PAIP1: variants seen among roughly 807,000 people sequenced by gnomAD.
PAIP1 encodes the protein poly(A) binding protein interacting protein 1, also known as polyadenylate-binding protein-interacting protein 1.
PAIP1 carries 16 observed loss-of-function variants against 61.3 expected under a neutral mutation model. The observed-to-expected ratio is 0.26, with a 90% confidence interval of 0.18 to 0.40. The LOEUF is 0.40. PAIP1 is among the 10% of genes least tolerant of loss of function. PAIP1 has a pLI of 1.00. For missense variants in PAIP1, 416 were observed against 600.9 expected (o/e 0.69, Z 3.22); for synonymous variants, 187 against 226.2 (o/e 0.83, Z 1.56).
chr5:43,543,500 A>G (rs760996105), intron 3 of PAIP1, among the ~76,000 whole-genome samples: 1 of 152,156 alleles, frequency 6.6e-6, no homozygotes, highest in African/African-American at 2.4e-5. Flanking sequence ...AGGAAAGCAC[A>G]GACTTTTTAG....
intron 9 of PAIP1, among the ~76,000 whole-genome samples, chr5:43,532,803 T>G (rs1048872412): frequency 3.3e-5 from 5 of 151,894 alleles, no homozygotes; most frequent in Non-Finnish European, 5.9e-5. Context: ...GAACAAAGAG[T>G]ATTAGCAGGC....
chr5:43,530,151 A>G (rs1422141656), intron 9 of PAIP1, among the ~76,000 whole-genome samples: 3 of 152,260 alleles, frequency 2.0e-5, no homozygotes, highest in Non-Finnish European at 4.4e-5. Context: ...CAGTCCTTCC[A>G]TTGGAAAGAT....
chr5:43,537,778 G>C (rs1001686759), intron 5 of PAIP1, among the ~76,000 whole-genome samples: 5 of 152,068 alleles, frequency 3.3e-5, no homozygotes, highest in Non-Finnish European at 5.9e-5. Flanking sequence ...GGTAGCACCT[G>C]AGGTCAGGAG....
chr5:43,537,966 C>G (rs1026646036), intron 5 of PAIP1, among the ~76,000 whole-genome samples: 3 of 142,034 alleles, frequency 2.1e-5, no homozygotes, highest in Admixed American at 7.5e-5. Context: ...TGCACTCCAG[C>G]CTGGGTGACA....
At chr5:43,528,369 C>T (rs371460457) in intron 10 of PAIP1, among the ~76,000 whole-genome samples, 10 of 152,216 alleles carry the variant, frequency 6.6e-5, no homozygotes, top group African/African-American at 2.4e-4. Flanking sequence ...AAAAAACAAT[C>T]TTGCCAACCC....
intron 4 of PAIP1, among the ~76,000 whole-genome samples, chr5:43,540,996 C>G (rs1326558529): frequency 1.3e-5 from 2 of 151,912 alleles, no homozygotes; most frequent in African/African-American, 4.8e-5. Context: ...AGTACCCACT[C>G]TGAATCTTTA....
At position 43,556,189 on chromosome 5, in the gene PAIP1, C is replaced by T. The variant is rs557470559; in HGVS notation, c.266-190G>A. On this transcript the variant is annotated intron_variant, in intron 1 of 10. Coordinates refer to ENST00000306846, the MANE Select transcript of PAIP1 (RefSeq NM_006451.5). ...AGGAACAATAGACTTGCTGTGACTC[C>T]GTTATGGGCATACCTGCCTCTCAAA... 10 of 1,369,412 alleles carry T rather than the reference C, an allele frequency of 7.3e-6. No homozygotes were observed. The African/African-American group carries it at 1.5e-4, about 20-fold the overall frequency. The allele number at this position is 1,369,412 out of a possible 1,614,324, so 84.8% of individuals were successfully genotyped here.
intron 2 of PAIP1, among the ~76,000 whole-genome samples, chr5:43,550,549 A>G (rs1458378932): frequency 6.6e-6 from 1 of 152,146 alleles, no homozygotes; most frequent in African/African-American, 2.4e-5. Flanking sequence ...ATGATATGTG[A>G]TAGACACCAT....
Position 43,534,976 on chromosome 5 carries a change from G to A in PAIP1, c.1080-6C>T, listed in dbSNP as rs888616773. 12 of 1,507,286 alleles carry A rather than the reference G, an allele frequency of 8.0e-6. No homozygotes were observed. The highest frequency in any genetic ancestry group is 1.7e-4 in the Middle Eastern group (1 of 5,880). 93.4% of individuals were successfully genotyped at this position (1,507,286 alleles called of 1,614,324 possible). A position where few individuals can be genotyped will look rare whatever the true frequency, so the allele number is the denominator to read the frequency against. Reference sequence around the variant, plus strand: ...AGAGCATCTGTTTTACATCTCTGTAGACAAAGTTGAAAATGAGTTAGTGTA... The same window carrying A: ...AGAGCATCTGTTTTACATCTCTGTAAACAAAGTTGAAAATGAGTTAGTGTA... On this transcript the variant is annotated splice_polypyrimidine_tract_variant and splice_region_variant and intron_variant, in intron 7 of 10. Coordinates refer to ENST00000306846, the MANE Select transcript of PAIP1 (RefSeq NM_006451.5).
At position 43,556,791 on chromosome 5, in the gene PAIP1, A is replaced by AGGCCCC; in HGVS notation, c.50_55dup (p.Arg17_Gly18dup). The stretch of plus-strand genomic sequence containing the variant: ...CTCAGGCCCGCCCCCTCCGCGGCCC[A>AGGCCCC]GGCCCCGGCTCCGGCCCCGACCAGC... On this transcript the variant is annotated inframe_insertion, in exon 1 of 11. Transcript: ENST00000306846. 1.4e-6 allele frequency: 2 copies of AGGCCCC among 1,451,230 alleles called. No homozygotes were observed. Among genetic ancestry groups the AGGCCCC allele is most frequent in the South Asian group, 1.4e-5 (1 of 73,802 alleles). The allele number at this position is 1,451,230 out of a possible 1,614,324, so 89.9% of individuals were successfully genotyped here. A position where few individuals can be genotyped will look rare whatever the true frequency, so the allele number is the denominator to read the frequency against.
intron 5 of PAIP1, among the ~76,000 whole-genome samples, chr5:43,538,045 T>C (rs1747226201): frequency 6.9e-6 from 1 of 144,428 alleles, no homozygotes; most frequent in African/African-American, 2.6e-5. Context: ...TACACAGTAA[T>C]AATGCCGTGC....
intron 9 of PAIP1, among the ~76,000 whole-genome samples, chr5:43,530,454 A>T (rs1236083655): frequency 6.6e-6 from 1 of 152,212 alleles, no homozygotes; most frequent in Non-Finnish European, 1.5e-5. Context: ...TTTTAAGTTA[A>T]GTATTTCTTT....
chr5:43,540,392 T>C (rs1036931898), intron 4 of PAIP1, among the ~76,000 whole-genome samples: 1 of 152,188 alleles, frequency 6.6e-6, no homozygotes, highest in Non-Finnish European at 1.5e-5. Flanking sequence ...GAAATAACTT[T>C]TTTTTTCATA....
chr5:43,556,791 AGGCCCCGGCTCC>A lies in PAIP1; in HGVS notation c.44_55del (p.Arg15_Gly18del), dbSNP rs2111617883. 2 of 1,451,230 alleles carry A rather than the reference AGGCCCCGGCTCC, an allele frequency of 1.4e-6. No homozygotes were observed. Among genetic ancestry groups the A allele is most frequent in the South Asian group, 1.4e-5 (1 of 73,802 alleles). The allele number at this position is 1,451,230 out of a possible 1,614,324, so 89.9% of individuals were successfully genotyped here. ...CTCAGGCCCGCCCCCTCCGCGGCCC[AGGCCCCGGCTCC>A]GGCCCCGACCAGCACCTGGGGCCCG... On this transcript the variant is annotated inframe_deletion, in exon 1 of 11. Transcript: ENST00000306846.
chr5:43,539,322 T>C (rs1256608476), intron 4 of PAIP1, among the ~76,000 whole-genome samples: 2 of 152,166 alleles, frequency 1.3e-5, no homozygotes, highest in African/African-American at 4.8e-5. Flanking sequence ...CACAGCATAC[T>C]GGCAGCCCAA....
intron 1 of PAIP1, 42 bp from the exon 2 acceptor site, chr5:43,556,041 C>T (rs1748049254): frequency 6.3e-7 from 1 of 1,594,114 alleles, no homozygotes; most frequent in African/African-American, 1.4e-5. Flanking sequence ...GCATTCTTTC[C>T]TTTGTACAGC....
In PAIP1 at chr5:43,536,856, A is replaced by G. The variant is rs1747177424; in HGVS notation, c.935T>C (p.Met312Thr). ...TACTGCACAAATTAAATTGTCATCC[A>G]TAGGATTAGAAAACAGGGCATTCAG... is the stretch of plus-strand genomic sequence containing the variant. ...ELLNALFSNPMDDNLICAVKL... is the reference protein window; with the variant it reads ...ELLNALFSNPTDDNLICAVKL... Residue 312 changes from methionine to threonine, a missense_variant, in exon 6 of 11, where the codon ATG (methionine) becomes ACG (threonine). By Grantham distance (81) the Met-to-Thr change is moderately conservative. This residue lies in a region of PAIP1 where 135 missense variants were observed against 283.9 expected (regional missense o/e 0.48). Transcript: ENST00000306846. 1 of 1,556,326 alleles carries G rather than the reference A, an allele frequency of 6.4e-7. No individual in the cohort carries two copies. Among genetic ancestry groups the G allele is most frequent in the African/African-American group, 1.4e-5 (1 of 72,914 alleles).
At chr5:43,529,062 C>G (rs1476305757) in intron 10 of PAIP1, among the ~76,000 whole-genome samples, 1 of 148,176 alleles carries the variant, frequency 6.7e-6, no homozygotes, top group African/African-American at 2.5e-5. Context: ...CCTTTAATAG[C>G]TAAGATTTGA....
chr5:43,544,793 A>AC (rs1248241016), intron 3 of PAIP1, among the ~76,000 whole-genome samples: 1 of 151,978 alleles, frequency 6.6e-6, no homozygotes, highest in Non-Finnish European at 1.5e-5. Flanking sequence ...GACCCTGTCA[A>AC]CCCCCTTCAG....
Sources: gnomAD v4.1 joint callset for allele counts (sites outside exome capture counted in the v4.1 genomes callset) on GRCh38, gnomAD v4.1.1 for gene constraint, gnomAD v4.1.1 regional missense constraint, MANE v1.5 for transcripts, NCBI Gene and HGNC (gene_info 2026-07-23, HGNC 2026-07-21) for gene names.